The following PCBD2 variants were observed in gnomAD, a reference collection of about 807,000 sequenced individuals.
PCBD2 encodes pterin-4 alpha-carbinolamine dehydratase 2.
In PCBD2, 12 loss-of-function variants were observed where a neutral mutation model predicts 16.4. The ratio of observed to expected loss-of-function variants is 0.73; its 90% CI spans 0.47 to 1.19. The LOEUF (loss-of-function observed/expected upper bound fraction) is 1.19, where lower values mean the gene tolerates loss of function less well. Among genes scored for constraint, PCBD2 ranks in the 50% most tolerant of loss-of-function variants. The pLI is 0.00. For synonymous variants in PCBD2, 58 were observed against 61.8 expected, an observed-to-expected ratio of 0.94 and a Z score of 0.29; for missense variants, 138 against 156.8, an observed-to-expected ratio of 0.88 and a Z score of 0.64.
intron 2 of PCBD2, among the ~76,000 whole-genome samples, chr5:134,954,192 C>T (rs1295863154): frequency 6.6e-6 from 1 of 152,152 alleles, no homozygotes; most frequent in Non-Finnish European, 1.5e-5. Context: ...AGCTTCTAGC[C>T]TCAAGCAGTT....
At chr5:134,913,307 T>C (rs1340028063) in intron 2 of PCBD2, among the ~76,000 whole-genome samples, 1 of 152,056 alleles carries the variant, frequency 6.6e-6, no homozygotes, top group Non-Finnish European at 1.5e-5. Flanking sequence ...AGAGGCACTC[T>C]TGGAGGTAGA....
At chr5:134,957,318 T>C (rs1283113053) in intron 2 of PCBD2, among the ~76,000 whole-genome samples, 1 of 152,060 alleles carries the variant, frequency 6.6e-6, no homozygotes, top group Non-Finnish European at 1.5e-5. Flanking sequence ...AGTGATAGAA[T>C]CAGGATTTGA....
At chr5:134,937,223 C>G (rs1054705473) in intron 2 of PCBD2, among the ~76,000 whole-genome samples, 1 of 151,960 alleles carries the variant, frequency 6.6e-6, no homozygotes, top group African/African-American at 2.4e-5. Context: ...TAATGAAATC[C>G]TTATTTAGCA....
chr5:134,948,598 T>G (rs2149539206), intron 2 of PCBD2, among the ~76,000 whole-genome samples: 1 of 152,328 alleles, frequency 6.6e-6, no homozygotes, highest in Admixed American at 6.5e-5. Flanking sequence ...GTTTTGCACC[T>G]TGCTTTTCAT....
intron 2 of PCBD2, among the ~76,000 whole-genome samples, chr5:134,939,976 A>G (rs937668037): frequency 2.7e-5 from 4 of 147,848 alleles, no homozygotes; most frequent in African/African-American, 1.0e-4. Context: ...TTTTTTCCTT[A>G]TGTTGGCCAT....
chr5:134,943,491 T>G (rs1751256885), intron 2 of PCBD2, among the ~76,000 whole-genome samples: 1 of 152,238 alleles, frequency 6.6e-6, no homozygotes, highest in Non-Finnish European at 1.5e-5. Context: ...TTTAAACTTT[T>G]ACAAATGCTC....
chr5:134,926,732 A>G (rs74700841), intron 2 of PCBD2: 1 of 397,126 alleles, frequency 2.5e-6, no homozygotes, highest in Non-Finnish European at 4.4e-6. Context: ...TGAACATGAG[A>G]GTGTTTTCTC....
At chr5:134,926,294 A>G (rs113666749) in intron 2 of PCBD2, 1 of 348,150 alleles carries the variant, frequency 2.9e-6, no homozygotes. Context: ...TGGTCTAGGT[A>G]TATGAATATT....
At chr5:134,920,178 A>G (rs1750885822) in intron 2 of PCBD2, among the ~76,000 whole-genome samples, 1 of 152,174 alleles carries the variant, frequency 6.6e-6, no homozygotes, top group Non-Finnish European at 1.5e-5. Context: ...GAGAATTACT[A>G]TTATGTTGCG....
At chr5:134,959,231 C>A in intron 3 of PCBD2, 111 bp downstream of exon 3, 2 of 770,848 alleles carry the variant, frequency 2.6e-6, no homozygotes, top group Non-Finnish European at 2.0e-6. Flanking sequence ...AAAGTCTTAT[C>A]CTTTCTCTCA....
At chr5:134,942,398 C>T (rs766191395) in intron 2 of PCBD2, among the ~76,000 whole-genome samples, 11 of 152,054 alleles carry the variant, frequency 7.2e-5, no homozygotes, top group Non-Finnish European at 1.6e-4. Context: ...TAAACCTGTT[C>T]ACAGGGCTGC....
At chr5:134,922,080 T>G (rs947502774) in intron 2 of PCBD2, among the ~76,000 whole-genome samples, 2 of 152,336 alleles carry the variant, frequency 1.3e-5, no homozygotes, top group Middle Eastern at 3.4e-3. Flanking sequence ...CTCATCCCTT[T>G]CACTGAAGAA....
At chr5:134,906,979 T>C (rs558073908) in intron 1 of PCBD2, among the ~76,000 whole-genome samples, 64 of 152,332 alleles carry the variant, frequency 4.2e-4, no homozygotes, top group African/African-American at 1.4e-3. Flanking sequence ...AGTGGCTCCA[T>C]TTCCCAGTCC....
At chr5:134,922,997 C>T (rs1048264470) in intron 2 of PCBD2, among the ~76,000 whole-genome samples, 1 of 152,154 alleles carries the variant, frequency 6.6e-6, no homozygotes, top group Non-Finnish European at 1.5e-5. Context: ...ATCTTAACAG[C>T]AAATGGTTAG....
At position 134,961,290 on chromosome 5, in the gene PCBD2, C is replaced by CTTTTTT. The variant is rs1218262765; in HGVS notation, c.*618_*623dup. 7.3e-6 allele frequency: 1 copy of CTTTTTT among 137,788 alleles called. No individual in the cohort carries two copies. The highest frequency in any genetic ancestry group is 7.3e-5 in the Admixed American group (1 of 13,664). The allele number at this position is 137,788 out of a possible 1,614,324, so 8.5% of individuals were successfully genotyped here. A position where few individuals can be genotyped will look rare whatever the true frequency, so the allele number is the denominator to read the frequency against. On this transcript the variant is annotated 3_prime_UTR_variant, in exon 4 of 4. Coordinates refer to ENST00000254908, the MANE Select transcript of PCBD2 (RefSeq NM_032151.5). Reference sequence around the variant, plus strand: ...TAATAATATTCAGAAAGAGAAGTGGCTTTTTTTTTTTTTTGAGACGGAGTC... The same window carrying CTTTTTT: ...TAATAATATTCAGAAAGAGAAGTGGCTTTTTTTTTTTTTTTTTTTTGAGACGGAGTC...
At position 134,910,976 on chromosome 5, in the gene PCBD2, C is replaced by T. The variant is rs574729771; in HGVS notation, c.216+510C>T. Among the ~76,000 whole-genome samples the T allele has an allele frequency of 2.0e-5, 3 of 152,206 alleles. No individual in the cohort carries two copies. In the East Asian group the frequency reaches 5.8e-4, roughly 29 times the overall value. Reference sequence around the variant, plus strand: ...CTAATTTTTGCATTGTTTGGAGAGGCAGGGTCTGGCTATGTTGCCCAGACT... The same window carrying T: ...CTAATTTTTGCATTGTTTGGAGAGGTAGGGTCTGGCTATGTTGCCCAGACT... On this transcript the variant is annotated intron_variant, in intron 2 of 3. Transcript: ENST00000254908.
chr5:134,957,741 A>G (rs1302457717), intron 2 of PCBD2, among the ~76,000 whole-genome samples: 1 of 152,198 alleles, frequency 6.6e-6, no homozygotes, highest in Non-Finnish European at 1.5e-5. Context: ...CATAATCTAG[A>G]CAATCAGATT....
At chr5:134,934,660 A>G (rs1395134432) in intron 2 of PCBD2, among the ~76,000 whole-genome samples, 1 of 152,244 alleles carries the variant, frequency 6.6e-6, no homozygotes, top group East Asian at 1.9e-4. Flanking sequence ...TGCAGAGTTA[A>G]AATGAATTTT....
At chr5:134,929,885 A>G (rs1227512314) in intron 2 of PCBD2, among the ~76,000 whole-genome samples, 2 of 152,122 alleles carry the variant, frequency 1.3e-5, no homozygotes, top group Non-Finnish European at 2.9e-5. Flanking sequence ...TGTAGAGACA[A>G]GGTCTCGCTA....
Sources: gnomAD v4.1 joint callset for allele counts (sites outside exome capture counted in the v4.1 genomes callset) on GRCh38, gnomAD v4.1.1 for gene constraint, MANE v1.5 for transcripts, NCBI Gene and HGNC (gene_info 2026-07-23, HGNC 2026-07-21) for gene names.